PKP4: variants seen among roughly 807,000 people sequenced by gnomAD.
The protein encoded by PKP4 is plakophilin-4.
In PKP4, 90 loss-of-function variants were observed where a neutral mutation model predicts 145.1. The observed-to-expected ratio is 0.62, with a 90% CI of 0.52 to 0.74. The LOEUF (loss-of-function observed/expected upper bound fraction) is 0.74, where lower values mean the gene tolerates loss of function less well. Among genes scored for constraint, PKP4 ranks in the 30% least tolerant of loss-of-function variants. The pLI, the probability that PKP4 is intolerant of heterozygous loss-of-function variation, is 0.00. For missense variants in PKP4, 1,340 were observed against 1,482.7 expected, an observed-to-expected ratio of 0.90 and a Z score of 1.58; for synonymous variants, 563 against 577.2, an observed-to-expected ratio of 0.98 and a Z score of 0.35.
intron 9 of PKP4, 45 bp downstream of exon 9, chr2:158,634,334 A>T (rs762689802): frequency 3.0e-5 from 44 of 1,480,104 alleles, no homozygotes; most frequent in Non-Finnish European, 4.0e-5. Context: ...GTATTGCAGG[A>T]GTCAGCCAGT....
In PKP4 at chr2:158,669,911, G is replaced by A. The variant is rs145208278; in HGVS notation, c.2920G>A (p.Asp974Asn). Residue 974 changes from aspartate (D) to asparagine (N), a missense_variant, in exon 17 of 22, where the codon GAC becomes AAC. Transcript: ENST00000389759. Reference protein sequence around the residue: ...KLVNITKGRGDRSSLKVVKAA... With the variant: ...KLVNITKGRGNRSSLKVVKAA... ...GGTGAACATAACCAAAGGCAGGGGC[G>A]ACAGGCAAGTCTGCGGCAAGGAGGT... 94 of 1,609,122 alleles carry A rather than the reference G, an allele frequency of 5.8e-5. No homozygotes were observed. Among genetic ancestry groups the A allele is most frequent in the Admixed American group, 8.4e-5 (5 of 59,630 alleles).
intron 2 of PKP4, among the ~76,000 whole-genome samples, chr2:158,559,736 C>A (rs1357939776): frequency 1.3e-5 from 2 of 152,000 alleles, no homozygotes; most frequent in Non-Finnish European, 2.9e-5. Flanking sequence ...TTAGTGTTTT[C>A]ATAAAATAGA....
intron 1 of PKP4, among the ~76,000 whole-genome samples, chr2:158,516,912 C>T (rs1048923316): frequency 6.6e-5 from 10 of 152,202 alleles, no homozygotes; most frequent in Admixed American, 5.9e-4. Context: ...CCGCCTGCCT[C>T]AGCCTCCCAA....
chr2:158,591,348 A>T (rs1008436745), intron 3 of PKP4, among the ~76,000 whole-genome samples: 4 of 152,060 alleles, frequency 2.6e-5, no homozygotes, highest in Non-Finnish European at 5.9e-5. Context: ...GTTATTTTTT[A>T]AAGTATCTAT....
At chr2:158,610,123 T>C (rs571677019) in intron 4 of PKP4, among the ~76,000 whole-genome samples, 1 of 152,360 alleles carries the variant, frequency 6.6e-6, no homozygotes, top group East Asian at 1.9e-4. Context: ...ATTCTAAAAA[T>C]ATAAATGCAC....
chr2:158,657,802 C>G (rs760771746), intron 11 of PKP4, among the ~76,000 whole-genome samples: 3 of 152,098 alleles, frequency 2.0e-5, no homozygotes, highest in Non-Finnish European at 4.4e-5. Context: ...ATTCAAGACC[C>G]CTGCTTGGAT....
chr2:158,634,996 A>C (rs143134508), intron 9 of PKP4, among the ~76,000 whole-genome samples: 1 of 151,632 alleles, frequency 6.6e-6, no homozygotes, highest in East Asian at 2.0e-4. Flanking sequence ...AGATATTTTG[A>C]AACTAAAAGA....
At chr2:158,635,290 T>C (rs1046543033) in intron 9 of PKP4, among the ~76,000 whole-genome samples, 23 of 152,196 alleles carry the variant, frequency 1.5e-4, no homozygotes, top group African/African-American at 5.5e-4. Context: ...CTTATTCACT[T>C]CTATTCCTGA....
intron 1 of PKP4, among the ~76,000 whole-genome samples, chr2:158,532,311 G>C (rs1309975799): frequency 6.6e-6 from 1 of 152,116 alleles, no homozygotes; most frequent in Non-Finnish European, 1.5e-5. Context: ...GCCTTGGCGG[G>C]ATTTGCCTAA....
intron 6 of PKP4, among the ~76,000 whole-genome samples, chr2:158,622,686 C>G (rs1203609879): frequency 6.6e-6 from 1 of 152,058 alleles, no homozygotes; most frequent in Non-Finnish European, 1.5e-5. Flanking sequence ...GTATTAAACA[C>G]AAATATAACA....
chr2:158,493,863 C>G (rs1695301883), intron 1 of PKP4, among the ~76,000 whole-genome samples: 1 of 152,204 alleles, frequency 6.6e-6, no homozygotes, highest in African/African-American at 2.4e-5. Context: ...CACTCTCCCC[C>G]TTTCCCCACC....
chr2:158,577,645 A>G (rs1350205857), intron 3 of PKP4, among the ~76,000 whole-genome samples: 2 of 152,224 alleles, frequency 1.3e-5, no homozygotes, highest in African/African-American at 4.8e-5. Flanking sequence ...ATGTACACAC[A>G]GTTAATGGGT....
intron 3 of PKP4, among the ~76,000 whole-genome samples, chr2:158,591,613 T>A (rs1173029565): frequency 6.6e-6 from 1 of 152,112 alleles, no homozygotes; most frequent in African/African-American, 2.4e-5. Context: ...CTTAATTTTC[T>A]GACTGAAATT....
chr2:158,494,700 C>T (rs1490754638), intron 1 of PKP4, among the ~76,000 whole-genome samples: 3 of 152,126 alleles, frequency 2.0e-5, no homozygotes, highest in African/African-American at 7.2e-5. Flanking sequence ...AAGCAAACAG[C>T]AAATGATTTT....
At chr2:158,493,258 AT>A (rs1345539471) in intron 1 of PKP4, among the ~76,000 whole-genome samples, 1 of 152,142 alleles carries the variant, frequency 6.6e-6, no homozygotes, top group African/African-American at 2.4e-5. Context: ...ACAGATCATA[AT>A]TTTTTATTAA....
At chr2:158,534,726 A>G (rs1463654206) in intron 2 of PKP4, among the ~76,000 whole-genome samples, 2 of 152,180 alleles carry the variant, frequency 1.3e-5, no homozygotes, top group East Asian at 3.8e-4. Context: ...GTACCTTGAG[A>G]CCATATACCC....
Position 158,624,694 on chromosome 2 carries a change from A to G in PKP4, c.604-184A>G, listed in dbSNP as rs114585285. Among the ~76,000 whole-genome samples, 1,470 of 151,422 alleles carry G rather than the reference A, an allele frequency of 9.7e-3. 32 individuals are homozygous for G. The highest frequency in any genetic ancestry group is 0.034 in the African/African-American group (1,386 of 41,144). On this transcript the variant is annotated intron_variant, in intron 6 of 21. Transcript: ENST00000389759. ...ACCACCAAAAAAAAAAAAAAAAACT[A>G]AAACAACTAAAGCACCGTGAGGAAA...
intron 7 of PKP4, among the ~76,000 whole-genome samples, chr2:158,628,259 G>C (rs2053011330): frequency 6.6e-6 from 1 of 152,092 alleles, no homozygotes; most frequent in Admixed American, 6.6e-5. Flanking sequence ...GATTACGGGT[G>C]TGAGCCACCA....
At chr2:158,535,334 C>G (rs1272658336) in intron 2 of PKP4, among the ~76,000 whole-genome samples, 1 of 152,114 alleles carries the variant, frequency 6.6e-6, no homozygotes, top group Non-Finnish European at 1.5e-5. Context: ...ACTCTTAGCC[C>G]ACTGTTACAT....
Sources: gnomAD v4.1 joint callset for allele counts (sites outside exome capture counted in the v4.1 genomes callset) on GRCh38, gnomAD v4.1.1 for gene constraint, MANE v1.5 for transcripts, NCBI Gene and HGNC (gene_info 2026-07-23, HGNC 2026-07-21) for gene names.